HIRA: variants seen among roughly 807,000 people sequenced by gnomAD.
HIRA encodes the protein protein HIRA.
In HIRA, 13 loss-of-function variants were observed where a neutral mutation model predicts 126.6. That is an observed-to-expected ratio of 0.10 (90% CI 0.07 to 0.16). The LOEUF (loss-of-function observed/expected upper bound fraction) is 0.16, where lower values mean the gene tolerates loss of function less well. Ranked by LOEUF, HIRA falls within the 10% of genes least tolerant of loss-of-function variation. The pLI, the probability that HIRA is intolerant of heterozygous loss-of-function variation, is 1.00. For synonymous variants in HIRA, 511 were observed against 520.0 expected (o/e 0.98, Z 0.24); for missense variants, 834 against 1,314.4 (o/e 0.63, Z 5.65).
intron 15 of HIRA, among the ~76,000 whole-genome samples, chr22:19,365,413 T>C (rs2088903463): frequency 6.6e-6 from 1 of 152,184 alleles, no homozygotes; most frequent in South Asian, 2.1e-4. Context: ...CTTATTGAAG[T>C]GAATGCAGCT....
chr22:19,378,566 T>C (rs1486140833), intron 13 of HIRA, among the ~76,000 whole-genome samples: 1 of 152,266 alleles, frequency 6.6e-6, no homozygotes, highest in Non-Finnish European at 1.5e-5. Flanking sequence ...CTGAGGATTC[T>C]GGGACAGCCA....
intron 1 of HIRA, among the ~76,000 whole-genome samples, chr22:19,413,421 C>G (rs533725529): frequency 6.6e-6 from 1 of 151,914 alleles, no homozygotes; most frequent in East Asian, 1.9e-4. Flanking sequence ...TTTGAGAAGG[C>G]GTGCCTGGTT....
chr22:19,394,516 G>A lies in HIRA; in HGVS notation c.655-7C>T. On this transcript the variant is annotated splice_polypyrimidine_tract_variant and splice_region_variant and intron_variant, in intron 7 of 24. Transcript: ENST00000263208. ...CATGGGTCGTTCCTCCACACTGAAA[G>A]AAGCATCTGCACTTGAAAGGAGCTC... The A allele has an allele frequency of 6.2e-7, 1 of 1,613,206 alleles. No individual in the cohort carries two copies. The highest frequency in any genetic ancestry group is 8.5e-7 in the Non-Finnish European group (1 of 1,179,398).
chr22:19,377,979 T>C lies in HIRA; in HGVS notation c.1503A>G (p.Leu501=). ...TAGGGGTACTGGAGTCCAGTGGCAG[T>C]AGCTGTGGACTGCTATGAGAAGAGA... ...TMLSSHSSPQ[L]LPLDSSTPNS... Residue 501 remains leucine, a synonymous_variant, in exon 14 of 25, where the codon CTA becomes CTG. Coordinates refer to ENST00000263208, the MANE Select transcript of HIRA (RefSeq NM_003325.4). The C allele has an allele frequency of 6.2e-7, 1 of 1,613,882 alleles. No homozygotes were observed. Among genetic ancestry groups the C allele is most frequent in the African/African-American group, 1.3e-5 (1 of 75,028 alleles).
intron 1 of HIRA, among the ~76,000 whole-genome samples, chr22:19,414,996 A>G (rs1366567747): frequency 6.6e-6 from 1 of 152,070 alleles, no homozygotes; most frequent in Non-Finnish European, 1.5e-5. Context: ...CCCAGGCTGG[A>G]GTGCAGTAAC....
intron 24 of HIRA, among the ~76,000 whole-genome samples, chr22:19,348,030 TG>T (rs2088707321): frequency 6.6e-6 from 1 of 152,230 alleles, no homozygotes; most frequent in Non-Finnish European, 1.5e-5. Context: ...TCCTTTGTCC[TG>T]GTATTCCAAA....
intron 8 of HIRA, among the ~76,000 whole-genome samples, chr22:19,393,264 C>T (rs578080156): frequency 4.8e-4 from 73 of 152,254 alleles, no homozygotes; most frequent in African/African-American, 1.7e-3. Flanking sequence ...CAAACAAAAC[C>T]CTACATGAAC....
chr22:19,402,612 T>C (rs1012279691), intron 5 of HIRA, among the ~76,000 whole-genome samples: 9 of 152,368 alleles, frequency 5.9e-5, no homozygotes, highest in Admixed American at 2.6e-4. Context: ...TTTTTCCTAA[T>C]ATGAAATAAT....
intron 5 of HIRA, among the ~76,000 whole-genome samples, chr22:19,399,676 G>A (rs2089251650): frequency 6.6e-6 from 1 of 152,142 alleles, no homozygotes; most frequent in Non-Finnish European, 1.5e-5. Flanking sequence ...CAAGATCCCT[G>A]TGGTTTTACA....
At chr22:19,332,530 A>G (rs2146500972) in intron 24 of HIRA, among the ~76,000 whole-genome samples, 1 of 152,302 alleles carries the variant, frequency 6.6e-6, no homozygotes, top group African/African-American at 2.4e-5. Flanking sequence ...CCTAAAATAG[A>G]TCATGTTTTC....
In HIRA at chr22:19,375,753, A is replaced by G. The variant is rs145419073; in HGVS notation, c.1653T>C (p.Ser551=). The G allele has an allele frequency of 1.9e-6, 3 of 1,614,052 alleles. No individual in the cohort carries two copies. Among genetic ancestry groups the G allele is most frequent in the Non-Finnish European group, 2.5e-6 (3 of 1,180,032 alleles). Residue 551 remains serine, a synonymous_variant, in exon 15 of 25, where the codon TCT becomes TCC. Coordinates refer to ENST00000263208, the MANE Select transcript of HIRA (RefSeq NM_003325.4). ...CGATCTTGGACGGGGTCGTTAACAC[A>G]GAAGGTGACAATGCAGCAGGAGTAG... The part of the protein sequence containing the change: ...ATSTPAALSP[S]VLTTPSKIEP...
chr22:19,357,815 C>T (rs1191872876), intron 18 of HIRA, among the ~76,000 whole-genome samples: 1 of 152,200 alleles, frequency 6.6e-6, no homozygotes, highest in African/African-American at 2.4e-5. Context: ...CTCCAGCAGG[C>T]TCAAGGAGGT....
At chr22:19,408,980 A>AG (rs2089329083) in intron 2 of HIRA, among the ~76,000 whole-genome samples, 2 of 152,212 alleles carry the variant, frequency 1.3e-5, no homozygotes, top group African/African-American at 4.8e-5. Flanking sequence ...GAGAAGGGAA[A>AG]GTCAATGTCA....
In HIRA at chr22:19,384,585, A is replaced by G. The variant is rs540198712; in HGVS notation, c.1330-880T>C. ...GCCTCGCACAACAGCCATGGGACCA[A>G]TGAAAGGGCTAAAGGACTGAGCTCT... On this transcript the variant is annotated intron_variant, in intron 12 of 24. Coordinates refer to ENST00000263208, the MANE Select transcript of HIRA (RefSeq NM_003325.4). Among the ~76,000 whole-genome samples, 20 of 152,162 alleles carry G rather than the reference A, an allele frequency of 1.3e-4. No individual in the cohort carries two copies. In the South Asian group the frequency reaches 3.9e-3, roughly 30 times the overall value.
intron 13 of HIRA, among the ~76,000 whole-genome samples, chr22:19,379,483 G>C (rs1309958681): frequency 6.6e-6 from 1 of 150,938 alleles, no homozygotes; most frequent in Non-Finnish European, 1.5e-5. Context: ...AAATTAGCCG[G>C]GCATGGTGGT....
At chr22:19,422,920 G>C (rs927656753) in intron 1 of HIRA, among the ~76,000 whole-genome samples, 1 of 152,066 alleles carries the variant, frequency 6.6e-6, no homozygotes, top group African/African-American at 2.4e-5. Flanking sequence ...CGGGAGTAAA[G>C]GGCCCTGGTC....
intron 24 of HIRA, among the ~76,000 whole-genome samples, chr22:19,349,069 C>T (rs2088724946): frequency 6.6e-6 from 1 of 151,902 alleles, no homozygotes; most frequent in African/African-American, 2.4e-5. Context: ...TAGGCATGAG[C>T]CACCACGCCT....
chr22:19,371,131 T>C (rs1271065403), intron 15 of HIRA, among the ~76,000 whole-genome samples: 1 of 152,214 alleles, frequency 6.6e-6, no homozygotes, highest in Non-Finnish European at 1.5e-5. Context: ...AGGTGGGGAA[T>C]TCATTTTATT....
At chr22:19,349,011 T>G (rs2146183869) in intron 24 of HIRA, among the ~76,000 whole-genome samples, 1 of 152,046 alleles carries the variant, frequency 6.6e-6, no homozygotes, top group South Asian at 2.1e-4. Context: ...CTCAAACTCC[T>G]GACCTCAGGT....
Sources: allele counts gnomAD v4.1 joint callset (sites outside exome capture counted in the v4.1 genomes callset), GRCh38; gene constraint gnomAD v4.1.1; transcripts MANE v1.5; gene names NCBI Gene and HGNC (gene_info 2026-07-23, HGNC 2026-07-21).